VPS37A: variants seen among roughly 807,000 people sequenced by gnomAD.
VPS37A encodes the protein VPS37A subunit of ESCRT-I.
VPS37A carries 30 observed loss-of-function variants against 49.8 expected under a neutral mutation model. The ratio of observed to expected loss-of-function variants is 0.60; its 90% CI spans 0.45 to 0.82. VPS37A has a LOEUF of 0.82. VPS37A is among the 40% of genes least tolerant of loss of function. The probability of loss-of-function intolerance (pLI) is 0.00; values close to 1 mark genes in which losing one functional copy is unlikely to be tolerated. For missense variants in VPS37A, 593 were observed against 464.4 expected (o/e 1.28, Z -2.55); for synonymous variants, 195 against 160.6 (o/e 1.21, Z -1.62).
chr8:17,293,272 G>A (rs1186449730), intron 11 of VPS37A, among the ~76,000 whole-genome samples: 1 of 151,590 alleles, frequency 6.6e-6, no homozygotes, highest in African/African-American at 2.4e-5. Context: ...GCTTCATGAA[G>A]TTCTCGTGCT....
At chr8:17,262,190 T>TGA (rs1813022138) in intron 1 of VPS37A, among the ~76,000 whole-genome samples, 1 of 152,166 alleles carries the variant, frequency 6.6e-6, no homozygotes, top group African/African-American at 2.4e-5. Flanking sequence ...TCTGTGGCCC[T>TGA]GAGAAGTGAC....
Position 17,280,003 on chromosome 8 carries a change from G to T in VPS37A, c.714-25G>T. 1.9e-6 allele frequency: 3 copies of T among 1,607,418 alleles called. No individual in the cohort carries two copies. The South Asian group carries it at 3.3e-5, about 18-fold the overall frequency. ...AAAAACTCGATGTCTGATATTTATT[G>T]ACATTTTTTCTTTTGTGTTTCTAGT... On this transcript the variant is annotated intron_variant, in intron 6 of 11. Transcript: ENST00000324849.
downstream of VPS37A, chr8:17,306,086 CAAAA>C (rs1329773222): frequency 5.5e-6 from 4 of 725,660 alleles, no homozygotes; most frequent in African/African-American, 5.4e-5. Flanking sequence ...CTTGGAATGA[CAAAA>C]AAGGTAGAAA....
At chr8:17,292,067 G>T (rs1407777474) in intron 11 of VPS37A, among the ~76,000 whole-genome samples, 2 of 152,160 alleles carry the variant, frequency 1.3e-5, no homozygotes, top group Middle Eastern at 3.2e-3. Flanking sequence ...TGACAGTGGG[G>T]TGTTAAAGTC....
intron 1 of VPS37A, among the ~76,000 whole-genome samples, chr8:17,249,582 T>C (rs1585902803): frequency 6.6e-6 from 1 of 152,208 alleles, no homozygotes; most frequent in East Asian, 1.9e-4. Flanking sequence ...TTTCAAAGAA[T>C]GGCACAATCC....
the VPS37A span, among the ~76,000 whole-genome samples, chr8:17,329,755 T>C: frequency 1.3e-5 from 2 of 152,310 alleles, no homozygotes; most frequent in Non-Finnish European, 2.9e-5. Context: ...ATAAAAAACA[T>C]AGTTTGTAGC....
chr8:17,284,858 C>A (rs1021333704), intron 10 of VPS37A, among the ~76,000 whole-genome samples: 6 of 152,128 alleles, frequency 3.9e-5, no homozygotes, highest in Non-Finnish European at 8.8e-5. Flanking sequence ...CACACCTTAG[C>A]TATTCCCAGG....
chr8:17,309,187 CAA>C, the VPS37A span: 117 of 890,854 alleles, frequency 1.3e-4, no homozygotes, highest in East Asian at 2.4e-3. Context: ...ACTCAAAAAA[CAA>C]GACGATTTTC....
In VPS37A at chr8:17,266,051, T is replaced by C. The variant is rs1813417624; in HGVS notation, c.200+70T>C. The C allele has an allele frequency of 2.2e-6, 3 of 1,376,700 alleles. No individual in the cohort carries two copies. In the South Asian group the frequency reaches 3.9e-5, roughly 18 times the overall value. 85.3% of individuals were successfully genotyped at this position (1,376,700 alleles called of 1,614,324 possible). On this transcript the variant is annotated intron_variant, in intron 2 of 11. Transcript: ENST00000324849. ...AGTTTTTTTATTGTTTCTTAGTTAT[T>C]AGAAATAAACTTTTAAGGTGAACTT... is the stretch of plus-strand genomic sequence containing the variant.
At chr8:17,311,064 TAAA>T in the VPS37A span, among the ~76,000 whole-genome samples, 1 of 152,172 alleles carries the variant, frequency 6.6e-6, no homozygotes, top group African/African-American at 2.4e-5. Context: ...AAGGACTACT[TAAA>T]AAACATACCC....
chr8:17,316,232 G>C, the VPS37A span, among the ~76,000 whole-genome samples: 1 of 151,786 alleles, frequency 6.6e-6, no homozygotes, highest in South Asian at 2.1e-4. Context: ...ATTTATGTTA[G>C]CCCTTATTAC....
At chr8:17,281,010 A>G (rs1275433633) in intron 9 of VPS37A, among the ~76,000 whole-genome samples, 2 of 151,952 alleles carry the variant, frequency 1.3e-5, no homozygotes, top group Admixed American at 6.6e-5. Flanking sequence ...TGTTTCCTGT[A>G]AAATTAGGAA....
downstream of VPS37A, among the ~76,000 whole-genome samples, chr8:17,305,399 T>G (rs1817384164): frequency 6.6e-6 from 1 of 152,190 alleles, no homozygotes; most frequent in African/African-American, 2.4e-5. Context: ...CTTTCCCAAT[T>G]AAATTTGCAA....
At position 17,256,917 on chromosome 8, in the gene VPS37A, A is replaced by G. The variant is rs562395296; in HGVS notation, c.126-8990A>G. 4.6e-5 allele frequency among the ~76,000 whole-genome samples: 7 copies of G among 152,144 alleles called. No individual in the cohort carries two copies. In the East Asian group the frequency reaches 1.4e-3, roughly 29 times the overall value. On this transcript the variant is annotated intron_variant, in intron 1 of 11. Transcript: ENST00000324849. ...TCGGCCTGCCTTGGCCTCACTGTGTAGGTTTTTAGCTTGATGTAATCCCAT... is the reference window on the plus strand; with the variant it reads ...TCGGCCTGCCTTGGCCTCACTGTGTGGGTTTTTAGCTTGATGTAATCCCAT...
the VPS37A span, among the ~76,000 whole-genome samples, chr8:17,310,216 G>A: frequency 3.3e-5 from 5 of 151,962 alleles, no homozygotes; most frequent in Admixed American, 1.3e-4. Context: ...GCCCAGGCTG[G>A]TCTCAAACTC....
chr8:17,273,864 AT>A (rs1352784476), intron 4 of VPS37A, among the ~76,000 whole-genome samples: 3 of 152,220 alleles, frequency 2.0e-5, no homozygotes, highest in Non-Finnish European at 2.9e-5. Context: ...AAATTAATAC[AT>A]TTTGAAACAT....
rs776800401 is a variant in VPS37A, at chr8:17,280,127, C to G, written c.813C>G (p.Asp271Glu). 4 of 1,612,656 alleles carry G rather than the reference C, an allele frequency of 2.5e-6. No individual in the cohort carries two copies. The highest frequency in any genetic ancestry group is 1.1e-5 in the South Asian group (1 of 90,944). ...QLKQIITDKD[D>E]LVKSIEELAR... ...AACAAATTATTACCGACAAAGATGA[C>G]TTAGTAAAAAGTATTGAGGAACTAG... is the stretch of plus-strand genomic sequence containing the variant. The change falls in exon 7 of 12, where the codon GAC (aspartate) becomes GAG (glutamate). Residue 271 changes from aspartate to glutamate, a missense_variant. Transcript: ENST00000324849.
chr8:17,297,304 A>G lies in VPS37A; in HGVS notation c.*2318A>G, dbSNP rs1393314236. 2 of 152,142 alleles carry G rather than the reference A, an allele frequency of 1.3e-5. No individual in the cohort carries two copies. The highest frequency in any genetic ancestry group is 4.8e-5 in the African/African-American group (2 of 41,452). 9.4% of individuals were successfully genotyped at this position (152,142 alleles called of 1,614,324 possible). On this transcript the variant is annotated 3_prime_UTR_variant, in exon 12 of 12. Coordinates refer to ENST00000324849, the MANE Select transcript of VPS37A (RefSeq NM_152415.3). ...AATCAGTGAGATATAAACTAAACAG[A>G]CCCACTTCAAAGTTGAAAGAAATTT...
At chr8:17,318,364 G>A in the VPS37A span, among the ~76,000 whole-genome samples, 1 of 152,094 alleles carries the variant, frequency 6.6e-6, no homozygotes, top group Non-Finnish European at 1.5e-5. Flanking sequence ...CAAGTTTACA[G>A]CACACCAGTG....
Sources: allele counts gnomAD v4.1 joint callset (sites outside exome capture counted in the v4.1 genomes callset), GRCh38; gene constraint gnomAD v4.1.1; transcripts MANE v1.5; gene names NCBI Gene and HGNC (gene_info 2026-07-23, HGNC 2026-07-21).